Variants in MGAT5B observed in about 807,000 individuals in gnomAD.
MGAT5B encodes N-acetylglucosaminyl-transferase Vb.
A neutral mutation model predicts 95.1 loss-of-function variants in MGAT5B; 54 were observed. The observed-to-expected ratio is 0.57, with a 90% CI of 0.46 to 0.71. The LOEUF (loss-of-function observed/expected upper bound fraction) is 0.71, where lower values mean the gene tolerates loss of function less well. Ranked by LOEUF, MGAT5B falls within the 30% of genes least tolerant of loss-of-function variation. The pLI is 0.00. For synonymous variants in MGAT5B, 464 were observed against 451.0 expected, an observed-to-expected ratio of 1.03 and a Z score of -0.36; for missense variants, 935 against 1,088.6, an observed-to-expected ratio of 0.86 and a Z score of 1.99.
At chr17:76,898,133 T>G (rs961435494) in intron 3 of MGAT5B, among the ~76,000 whole-genome samples, 1 of 152,112 alleles carries the variant, frequency 6.6e-6, no homozygotes, top group Non-Finnish European at 1.5e-5. Context: ...GGAGTTTTGA[T>G]GGAGTTTTAC....
chr17:76,902,738 C>CG, intron 4 of MGAT5B, 68 bp downstream of exon 4: 21 of 633,396 alleles, frequency 3.3e-5, no homozygotes, highest in Non-Finnish European at 5.0e-5. Context: ...TGGGTGGGCC[C>CG]TGGGAGGGTG....
Position 76,906,335 on chromosome 17 carries a change from G to A in MGAT5B, c.1025+148G>A, listed in dbSNP as rs139736683. 322 of 700,568 alleles carry A rather than the reference G, an allele frequency of 4.6e-4. No homozygotes were observed. Among genetic ancestry groups the A allele is most frequent in the Middle Eastern group, 1.2e-3 (3 of 2,516 alleles). 43.4% of individuals were successfully genotyped at this position (700,568 alleles called of 1,614,324 possible). On this transcript the variant is annotated intron_variant, in intron 8 of 17. Transcript: ENST00000569840. This position sits in a 1 kb window ranked among gnomAD's most constrained non-coding sequence, Gnocchi z 4.6. The stretch of plus-strand genomic sequence containing the variant: ...ACCCTGGGAGACATCCTGGTGTTCC[G>A]CAGGACATCACCACTCCTAATCCCC...
chr17:76,895,102 C>T (rs1183896294), intron 3 of MGAT5B, among the ~76,000 whole-genome samples: 1 of 152,126 alleles, frequency 6.6e-6, no homozygotes, highest in Admixed American at 6.5e-5. Flanking sequence ...CACTTGAGCT[C>T]CGCCTCCTGT....
chr17:76,932,085 TCCC>T (rs34615968), intron 10 of MGAT5B, among the ~76,000 whole-genome samples: 28 of 121,980 alleles, frequency 2.3e-4, no homozygotes, highest in Admixed American at 9.4e-4. Flanking sequence ...CTCCTCCTCC[TCCC>T]CCCCCCCTTC....
intron 3 of MGAT5B, among the ~76,000 whole-genome samples, chr17:76,882,922 C>T (rs1403882059): frequency 6.6e-6 from 1 of 151,786 alleles, no homozygotes; most frequent in Non-Finnish European, 1.5e-5. Flanking sequence ...ACTATGTTGG[C>T]CAGGCTAGTC....
In MGAT5B at chr17:76,925,048, G is replaced by A. The variant is rs776729420; in HGVS notation, c.1108G>A (p.Gly370Ser). The A allele has an allele frequency of 9.3e-6, 15 of 1,611,540 alleles. No individual in the cohort carries two copies. The highest frequency in any genetic ancestry group is 8.3e-5 in the Admixed American group (5 of 59,942). Residue 370 changes from glycine (G) to serine (S), a missense_variant, in exon 9 of 18, where the codon GGC becomes AGC. By Grantham distance (56) the Gly-to-Ser change is moderately conservative. Coordinates refer to ENST00000569840, the MANE Select transcript of MGAT5B (RefSeq NM_001199172.2). Reference protein sequence around the residue: ...PFDLIYTDYHGLQQMKRHMGL... With the variant: ...PFDLIYTDYHSLQQMKRHMGL... ...CGACCTCATCTACACCGACTACCACGGCCTGCAGCAGATGAAGCGGCACAT... is the reference window on the plus strand; with the variant it reads ...CGACCTCATCTACACCGACTACCACAGCCTGCAGCAGATGAAGCGGCACAT...
chr17:76,868,509 G>T lies in MGAT5B; in HGVS notation c.-521G>T. 6.7e-6 allele frequency: 1 copy of T among 149,606 alleles called. No homozygotes were observed. The highest frequency in any genetic ancestry group is 1.9e-4 in the South Asian group (1 of 5,262). 9.3% of individuals were successfully genotyped at this position (149,606 alleles called of 1,614,324 possible). A position where few individuals can be genotyped will look rare whatever the true frequency, so the allele number is the denominator to read the frequency against. On this transcript the variant is annotated 5_prime_UTR_variant, in exon 1 of 18. Transcript: ENST00000569840. The surrounding 1 kb of genome is among the most constrained non-coding windows in gnomAD (Gnocchi z 6.3). ...CGGGCGGCGGAGCCAGCGGGCGAGA[G>T]AGCGCGCGGCGGGCGCGGGTTGCCC...
intron 11 of MGAT5B, among the ~76,000 whole-genome samples, 153 bp downstream of exon 11, chr17:76,932,928 A>G (rs1357835166): frequency 2.0e-5 from 3 of 152,232 alleles, no homozygotes; most frequent in East Asian, 3.8e-4. Context: ...CAGGACAAAA[A>G]GTTCCTAACT....
intron 2 of MGAT5B, among the ~76,000 whole-genome samples, chr17:76,874,375 C>T (rs1967110866): frequency 6.7e-6 from 1 of 148,224 alleles, no homozygotes; most frequent in Admixed American, 6.7e-5. Flanking sequence ...GCTGGAGTGT[C>T]TGTGTGGGAG....
chr17:76,913,552 A>G (rs116674074), intron 8 of MGAT5B: 4,934 of 374,732 alleles, frequency 0.013, 131 homozygotes, highest in African/African-American at 0.069. Flanking sequence ...GCATGGAGAC[A>G]GGGTCTTGGC....
In MGAT5B at chr17:76,897,697, CTT is replaced by C. The variant is rs1430338893; in HGVS notation, c.330-4856_330-4855del. On this transcript the variant is annotated intron_variant, in intron 3 of 17. Transcript: ENST00000569840. Reference sequence around the variant, plus strand: ...TCTTTCTTTCTTTCTTTCTTTCTTTCTTTCTTTCTTTCTTTCTTTCTTTCTTT... The same window carrying C: ...TCTTTCTTTCTTTCTTTCTTTCTTTCTCTTTCTTTCTTTCTTTCTTTCTTT... Among the ~76,000 whole-genome samples the C allele has an allele frequency of 4.0e-4, 43 of 108,004 alleles. No homozygotes were observed. In the Admixed American group the frequency reaches 4.1e-3, roughly 10 times the overall value. 70.9% of individuals were successfully genotyped at this position (108,004 alleles called of 152,430 possible).
chr17:76,871,661 A>T (rs1281518589), intron 1 of MGAT5B, among the ~76,000 whole-genome samples: 1 of 152,254 alleles, frequency 6.6e-6, no homozygotes, highest in Non-Finnish European at 1.5e-5. Context: ...ACAAACAAGC[A>T]TGGAACTTGA....
intron 8 of MGAT5B, among the ~76,000 whole-genome samples, chr17:76,923,555 G>A (rs1019036690): frequency 6.6e-6 from 1 of 152,054 alleles, no homozygotes; most frequent in Non-Finnish European, 1.5e-5. Context: ...GACAGGGCAC[G>A]TGGCCTTCTC....
At chr17:76,922,807 A>G (rs1219512100) in intron 8 of MGAT5B, among the ~76,000 whole-genome samples, 2 of 152,214 alleles carry the variant, frequency 1.3e-5, no homozygotes, top group Admixed American at 1.3e-4. Context: ...TTAAGTTTAT[A>G]GACAAGAAAT....
chr17:76,887,624 A>T (rs1598906617), intron 3 of MGAT5B, among the ~76,000 whole-genome samples: 1 of 140,212 alleles, frequency 7.1e-6, no homozygotes, highest in Non-Finnish European at 1.5e-5. Flanking sequence ...TATGATCTAG[A>T]CTCACTGCAC....
chr17:76,878,338 G>T (rs1296709115), intron 2 of MGAT5B, among the ~76,000 whole-genome samples: 1 of 152,166 alleles, frequency 6.6e-6, no homozygotes, highest in Non-Finnish European at 1.5e-5. Context: ...AGCAGCTCCT[G>T]AGCCCCTGGC....
Position 76,948,030 on chromosome 17 carries a change from G to T in MGAT5B, c.2124G>T (p.Gly708=). The T allele has an allele frequency of 1.9e-6, 3 of 1,613,074 alleles. No individual in the cohort carries two copies. Among genetic ancestry groups the T allele is most frequent in the Non-Finnish European group, 2.5e-6 (3 of 1,179,572 alleles). ...RACTDTCLDH[G]LICEPSFFPF... is the part of the protein sequence containing the mutation. ...GCACCGACACCTGCCTGGACCACGG[G>T]CTAATCTGTGAGCCCTCCTTCTTCC... is the stretch of plus-strand genomic sequence containing the variant. The change falls in exon 17 of 18, where the codon GGG becomes GGT. Residue 708 remains glycine, a synonymous_variant. Transcript: ENST00000569840.
chr17:76,948,870 G>A lies in MGAT5B; in HGVS notation c.*32G>A, dbSNP rs374995896. On this transcript the variant is annotated 3_prime_UTR_variant, in exon 18 of 18. Transcript: ENST00000569840. The stretch of plus-strand genomic sequence containing the variant: ...CTCTGCCGCCCTGCCTGGCACCCAC[G>A]CTGGCTCTCTCCTGCCGCGGGAGAA... 1.1e-5 allele frequency: 17 copies of A among 1,538,488 alleles called. No individual in the cohort carries two copies. Among genetic ancestry groups the A allele is most frequent in the Non-Finnish European group, 1.4e-5 (16 of 1,141,962 alleles).
At chr17:76,932,577 T>G in intron 10 of MGAT5B, 68 bp from the exon 11 acceptor site, 2 of 1,599,824 alleles carry the variant, frequency 1.3e-6, no homozygotes, top group East Asian at 2.3e-5. Flanking sequence ...GGCGGGGCAG[T>G]CCAGGGAGGC....
Sources: allele counts gnomAD v4.1 joint callset (sites outside exome capture counted in the v4.1 genomes callset), GRCh38; gene constraint gnomAD v4.1.1; non-coding constraint Gnocchi (gnomAD v3.1); transcripts MANE v1.5; gene names NCBI Gene and HGNC (gene_info 2026-07-23, HGNC 2026-07-21).